The following NRG1 variants were observed in gnomAD, a reference collection of about 807,000 sequenced individuals.
NRG1 encodes pro-neuregulin-1, membrane-bound isoform.
In NRG1, 18 loss-of-function variants were observed where a neutral mutation model predicts 63.8. The ratio of observed to expected loss-of-function variants is 0.28; its 90% CI spans 0.19 to 0.42. The LOEUF is 0.42. NRG1 is among the 10% of genes least tolerant of loss of function. The probability of loss-of-function intolerance (pLI) is 1.00; values close to 1 mark genes in which losing one functional copy is unlikely to be tolerated. For synonymous variants in NRG1, 302 were observed against 301.3 expected, an observed-to-expected ratio of 1.00 and a Z score of -0.02; for missense variants, 762 against 814.7, an observed-to-expected ratio of 0.94 and a Z score of 0.79.
chr8:32,105,265 T>C (rs1391272252), intron 1 of NRG1, among the ~76,000 whole-genome samples: 1 of 152,202 alleles, frequency 6.6e-6, no homozygotes, highest in Non-Finnish European at 1.5e-5. Flanking sequence ...GTTTTCACGC[T>C]GCTGATAAAG....
intron 1 of NRG1, among the ~76,000 whole-genome samples, chr8:32,368,824 C>T (rs1257174684): frequency 6.6e-6 from 1 of 152,154 alleles, no homozygotes; most frequent in Non-Finnish European, 1.5e-5. Flanking sequence ...ATGATGTAAA[C>T]TTATTTTAGC....
rs116855659 is a variant in NRG1, at chr8:31,974,634, A to G, written c.37+335203A>G. ...GGTAGGCCTTCAATAAAGGGAGGCTATGTTTACATGGGCCTTCCACTTCAC... is the reference window on the plus strand; with the variant it reads ...GGTAGGCCTTCAATAAAGGGAGGCTGTGTTTACATGGGCCTTCCACTTCAC... On this transcript the variant is annotated intron_variant, in intron 1 of 10. Transcript: ENST00000519301. Among the ~76,000 whole-genome samples the G allele has an allele frequency of 3.3e-3, 503 of 152,280 alleles. 2 individuals carry two copies. Among genetic ancestry groups the G allele is most frequent in the South Asian group, 0.021 (103 of 4,822 alleles).
At chr8:32,339,462 A>G (rs1803762990) in intron 1 of NRG1, among the ~76,000 whole-genome samples, 1 of 152,246 alleles carries the variant, frequency 6.6e-6, no homozygotes, top group Admixed American at 6.5e-5. Context: ...TGGATAGGCC[A>G]TGAATAGAAC....
chr8:31,750,770 T>C (rs1006489714), intron 1 of NRG1, among the ~76,000 whole-genome samples: 1 of 151,988 alleles, frequency 6.6e-6, no homozygotes, highest in African/African-American at 2.4e-5. Flanking sequence ...CTTTTCTTGG[T>C]CATGCAGTGA....
intron 1 of NRG1, among the ~76,000 whole-genome samples, chr8:32,482,521 G>T (rs1825429098): frequency 6.6e-6 from 1 of 151,838 alleles, no homozygotes; most frequent in Non-Finnish European, 1.5e-5. Context: ...ATGCTTTTCC[G>T]GGCAGATCCA....
intron 1 of NRG1, among the ~76,000 whole-genome samples, chr8:31,841,331 T>C (rs1826184379): frequency 6.6e-6 from 1 of 152,068 alleles, no homozygotes; most frequent in South Asian, 2.1e-4. Context: ...GAGATGGATC[T>C]TGCAAGAGCT....
chr8:32,245,532 T>C (rs989428244), intron 1 of NRG1, among the ~76,000 whole-genome samples: 19 of 152,172 alleles, frequency 1.2e-4, no homozygotes, highest in African/African-American at 4.6e-4. Context: ...TATGAAACTG[T>C]ATAATATGGC....
intron 1 of NRG1, among the ~76,000 whole-genome samples, chr8:31,787,561 C>G (rs1820296453): frequency 6.6e-6 from 1 of 152,132 alleles, no homozygotes; most frequent in Non-Finnish European, 1.5e-5. Flanking sequence ...TAGAAAAGTA[C>G]ACAAAGGATC....
At chr8:32,691,301 C>A (rs774961364) in intron 5 of NRG1, among the ~76,000 whole-genome samples, 1 of 152,146 alleles carries the variant, frequency 6.6e-6, no homozygotes, top group African/African-American at 2.4e-5. Context: ...TGCAGTGAGC[C>A]GAGATTCTGC....
intron 3 of NRG1, among the ~76,000 whole-genome samples, chr8:32,606,127 A>G (rs1588642101): frequency 6.7e-6 from 1 of 148,896 alleles, no homozygotes; most frequent in Non-Finnish European, 1.5e-5. Context: ...ATATATGTTT[A>G]CGTATATATA....
At chr8:32,329,867 C>T (rs1380381101) in intron 1 of NRG1, among the ~76,000 whole-genome samples, 1 of 151,042 alleles carries the variant, frequency 6.6e-6, no homozygotes, top group Admixed American at 6.6e-5. Flanking sequence ...GGGTTTTGGT[C>T]TTATTTCTCT....
chr8:32,420,419 G>A (rs533085894), intron 1 of NRG1, among the ~76,000 whole-genome samples: 1 of 152,262 alleles, frequency 6.6e-6, no homozygotes, highest in Non-Finnish European at 1.5e-5. Flanking sequence ...CAGAATTGCT[G>A]AGAGTTTGAG....
intron 1 of NRG1, among the ~76,000 whole-genome samples, chr8:31,741,454 A>C (rs189790135): frequency 1.8e-4 from 27 of 149,364 alleles, no homozygotes; most frequent in Non-Finnish European, 3.1e-4. Context: ...GACAGGCCGC[A>C]AAAAAAGAAA....
chr8:32,059,364 G>A (rs549137623), intron 1 of NRG1, among the ~76,000 whole-genome samples: 3 of 151,902 alleles, frequency 2.0e-5, no homozygotes, highest in Non-Finnish European at 2.9e-5. Context: ...GTGCTGCATC[G>A]CTAATGTCCT....
intron 1 of NRG1, among the ~76,000 whole-genome samples, chr8:31,761,873 C>T (rs976965161): frequency 1.3e-5 from 2 of 152,010 alleles, no homozygotes; most frequent in Non-Finnish European, 2.9e-5. Flanking sequence ...TGCAGGGTTG[C>T]CACAAAGATT....
chr8:32,173,258 A>G (rs1276222862), intron 1 of NRG1, among the ~76,000 whole-genome samples: 2 of 152,146 alleles, frequency 1.3e-5, no homozygotes, highest in African/African-American at 4.8e-5. Context: ...TAAGTGAAGG[A>G]GAAATAAAAT....
At chr8:32,691,750 G>A (rs1318126152) in intron 5 of NRG1, among the ~76,000 whole-genome samples, 1 of 152,190 alleles carries the variant, frequency 6.6e-6, no homozygotes, top group Non-Finnish European at 1.5e-5. Context: ...GGGAATTGTT[G>A]TTGTGATTAA....
intron 1 of NRG1, among the ~76,000 whole-genome samples, chr8:32,193,365 C>T (rs1462453430): frequency 6.6e-6 from 1 of 151,336 alleles, no homozygotes; most frequent in African/African-American, 2.4e-5. Context: ...TAGATTATGC[C>T]CATTCCTTCT....
At chr8:32,265,217 C>T (rs974373776) in intron 1 of NRG1, among the ~76,000 whole-genome samples, 1 of 152,030 alleles carries the variant, frequency 6.6e-6, no homozygotes, top group Non-Finnish European at 1.5e-5. Context: ...CACCTATAGT[C>T]CCAGCTACTC....
Sources: gnomAD v4.1 joint callset for allele counts (sites outside exome capture counted in the v4.1 genomes callset) on GRCh38, gnomAD v4.1.1 for gene constraint, MANE v1.5 for transcripts, NCBI Gene and HGNC (gene_info 2026-07-23, HGNC 2026-07-21) for gene names.